The following CHD9 variants were observed in gnomAD, a reference collection of about 807,000 sequenced individuals.
CHD9 encodes chromodomain helicase DNA binding protein 9.
In CHD9, 77 loss-of-function variants were observed where a neutral mutation model predicts 316.1. The observed-to-expected ratio is 0.24, with a 90% confidence interval of 0.20 to 0.29. The LOEUF (loss-of-function observed/expected upper bound fraction) is 0.29, where lower values mean the gene tolerates loss of function less well. Among genes scored for constraint, CHD9 ranks in the 10% least tolerant of loss-of-function variants. The pLI is 1.00. For synonymous variants in CHD9, 1,129 were observed against 1,158.3 expected (o/e 0.97, Z 0.51); for missense variants, 2,763 against 3,438.1 (o/e 0.80, Z 4.91).
At chr16:53,215,159 G>C (rs571695481) in intron 3 of CHD9, among the ~76,000 whole-genome samples, 3 of 152,054 alleles carry the variant, frequency 2.0e-5, no homozygotes, top group Non-Finnish European at 4.4e-5. Context: ...CTCGCGATCC[G>C]CCTGCCTCGG....
intron 1 of CHD9, among the ~76,000 whole-genome samples, chr16:53,100,915 G>T (rs1009574992): frequency 1.2e-4 from 18 of 152,140 alleles, no homozygotes; most frequent in Admixed American, 1.1e-3. Context: ...CAGATGATGT[G>T]CATAAAACAT....
At chr16:53,118,310 T>C (rs2038475929) in intron 1 of CHD9, among the ~76,000 whole-genome samples, 1 of 152,038 alleles carries the variant, frequency 6.6e-6, no homozygotes, top group African/African-American at 2.4e-5. Context: ...CCAGCTACTC[T>C]GGTGGCTGAG....
intron 24 of CHD9, among the ~76,000 whole-genome samples, chr16:53,280,179 C>T (rs2053266867): frequency 6.6e-6 from 1 of 151,996 alleles, no homozygotes. Flanking sequence ...GGGTATTTAC[C>T]CAGAGGAAAA....
At chr16:53,262,620 G>A (rs1404509140) in intron 19 of CHD9, among the ~76,000 whole-genome samples, 1 of 152,116 alleles carries the variant, frequency 6.6e-6, no homozygotes, top group African/African-American at 2.4e-5. Flanking sequence ...AATTAACTCT[G>A]TAGTGCAGGC....
chr16:53,300,714 C>T (rs935101522), intron 30 of CHD9, among the ~76,000 whole-genome samples: 3 of 152,188 alleles, frequency 2.0e-5, no homozygotes, highest in Admixed American at 1.3e-4. Context: ...AGTGCAGACC[C>T]GCAGTGTTCA....
At chr16:53,296,886 CA>C in intron 29 of CHD9, 69 bp from the exon 30 acceptor site, 1 of 971,850 alleles carries the variant, frequency 1.0e-6, no homozygotes, top group Non-Finnish European at 1.6e-6. Flanking sequence ...GTATTATAGT[CA>C]TTATATTTAG....
chr16:53,151,193 TCCCTC>T (rs1250584616), intron 1 of CHD9, among the ~76,000 whole-genome samples: 2,101 of 135,368 alleles, frequency 0.016, 111 homozygotes, highest in African/African-American at 0.058. Context: ...CTTTTTCTTT[TCCCTC>T]CCCTCCCCTC....
At chr16:53,122,863 C>T (rs1447215508) in intron 1 of CHD9, among the ~76,000 whole-genome samples, 5 of 150,506 alleles carry the variant, frequency 3.3e-5, no homozygotes, top group South Asian at 2.1e-4. Flanking sequence ...CCCGCTACCA[C>T]GCCCGGCTAA....
intron 1 of CHD9, among the ~76,000 whole-genome samples, chr16:53,065,980 G>A (rs2033463773): frequency 6.6e-6 from 1 of 152,182 alleles, no homozygotes; most frequent in Non-Finnish European, 1.5e-5. Context: ...AATCACAGAT[G>A]TTGCGTGCAG....
intron 1 of CHD9, among the ~76,000 whole-genome samples, chr16:53,070,449 A>AT (rs2033911599): frequency 6.6e-6 from 1 of 151,544 alleles, no homozygotes; most frequent in South Asian, 2.1e-4. Context: ...ATACAACTTC[A>AT]TTTTTTTGCA....
intron 2 of CHD9, among the ~76,000 whole-genome samples, chr16:53,203,356 ACTTAC>A (rs1169506749): frequency 6.6e-6 from 1 of 152,148 alleles, no homozygotes; most frequent in Non-Finnish European, 1.5e-5. Context: ...GTCTCCTGAT[ACTTAC>A]CTTACCATTC....
At chr16:53,238,264 G>A in intron 11 of CHD9, 79 bp from the exon 12 acceptor site, 2 of 1,229,834 alleles carry the variant, frequency 1.6e-6, no homozygotes, top group Middle Eastern at 5.0e-4. Context: ...TTTGATCTTT[G>A]ATTATTTTTG....
At chr16:53,145,903 C>T (rs1005162065) in intron 1 of CHD9, among the ~76,000 whole-genome samples, 3 of 152,084 alleles carry the variant, frequency 2.0e-5, no homozygotes, top group African/African-American at 7.2e-5. Flanking sequence ...GATATTCTGA[C>T]ACATGCTAGC....
chr16:53,268,044 A>G lies in CHD9; in HGVS notation c.4635A>G (p.Gly1545=), dbSNP rs762762632. 1 of 1,613,506 alleles carries G rather than the reference A, an allele frequency of 6.2e-7. No individual in the cohort carries two copies. Among genetic ancestry groups the G allele is most frequent in the Non-Finnish European group, 8.5e-7 (1 of 1,179,660 alleles). Residue 1545 remains glycine (G), a synonymous_variant, in exon 22 of 39, where the codon GGA becomes GGG. Coordinates refer to ENST00000447540, the MANE Select transcript of CHD9 (RefSeq NM_001308319.2). ...LLAYCLVHYR[G]DEKIKGFIWD... ...CATATTGCCTTGTTCACTACCGAGG[A>G]GATGAGAAGATTAAAGGTTTCATAT...
In CHD9 at chr16:53,140,678, C is replaced by T. The variant is rs149017942; in HGVS notation, c.-164-15248C>T. On this transcript the variant is annotated intron_variant, in intron 1 of 38. Coordinates refer to ENST00000447540, the MANE Select transcript of CHD9 (RefSeq NM_001308319.2). Reference sequence around the variant, plus strand: ...TCGTAGCTCACTGCATCCTCAACCTCCTGAGCTCAAATGATTCTCTAACCT... The same window carrying T: ...TCGTAGCTCACTGCATCCTCAACCTTCTGAGCTCAAATGATTCTCTAACCT... Among the ~76,000 whole-genome samples, 895 of 152,284 alleles carry T rather than the reference C, an allele frequency of 5.9e-3. 13 individuals are homozygous for T. The highest frequency in any genetic ancestry group is 0.02 in the African/African-American group (848 of 41,556).
At chr16:53,279,106 A>G (rs2153027768) in intron 24 of CHD9, among the ~76,000 whole-genome samples, 1 of 152,280 alleles carries the variant, frequency 6.6e-6, no homozygotes, top group Middle Eastern at 3.4e-3. Flanking sequence ...CTTGGAACCA[A>G]CCCAAATGTC....
intron 32 of CHD9, 117 bp from the exon 33 acceptor site, chr16:53,307,564 C>A: frequency 1.3e-6 from 1 of 778,876 alleles, no homozygotes; most frequent in Non-Finnish European, 2.1e-6. Flanking sequence ...AATATGTATG[C>A]ATAGCACATA....
chr16:53,167,715 A>G (rs1335784140), intron 2 of CHD9, among the ~76,000 whole-genome samples: 2 of 151,996 alleles, frequency 1.3e-5, no homozygotes, highest in Admixed American at 6.6e-5. Context: ...CATATCATAT[A>G]TAGCTATCTA....
intron 2 of CHD9, among the ~76,000 whole-genome samples, chr16:53,199,857 A>G (rs74881260): frequency 6.6e-6 from 1 of 152,232 alleles, no homozygotes; most frequent in Non-Finnish European, 1.5e-5. Context: ...GAACACAGGA[A>G]CCAACTTGAA....
Sources: gnomAD v4.1 joint callset for allele counts (sites outside exome capture counted in the v4.1 genomes callset) on GRCh38, gnomAD v4.1.1 for gene constraint, MANE v1.5 for transcripts, NCBI Gene and HGNC (gene_info 2026-07-23, HGNC 2026-07-21) for gene names.